ZNF346: variants seen among roughly 807,000 people sequenced by gnomAD.
ZNF346 encodes the protein double-stranded RNA-binding zinc finger protein JAZ.
A neutral mutation model predicts 33.7 loss-of-function variants in ZNF346; 23 were observed. The ratio of observed to expected loss-of-function variants is 0.68; its 90% CI spans 0.49 to 0.97. ZNF346 has a LOEUF of 0.97. ZNF346 is among the 50% of genes least tolerant of loss of function. ZNF346 has a pLI of 0.00. For missense variants in ZNF346, 340 were observed against 371.1 expected, an observed-to-expected ratio of 0.92 and a Z score of 0.69; for synonymous variants, 134 against 142.4, an observed-to-expected ratio of 0.94 and a Z score of 0.42.
intron 1 of ZNF346, among the ~76,000 whole-genome samples, chr5:177,035,019 T>C (rs937939260): frequency 1.4e-5 from 2 of 144,672 alleles, no homozygotes; most frequent in East Asian, 3.9e-4. Context: ...TTTCTTTTCT[T>C]TTCTTTTTTT....
At chr5:177,037,106 G>A (rs549910494) in intron 1 of ZNF346, among the ~76,000 whole-genome samples, 4 of 151,930 alleles carry the variant, frequency 2.6e-5, no homozygotes, top group South Asian at 4.1e-4. Flanking sequence ...AGTTTTGTCC[G>A]GTTTTGTCAG....
chr5:177,035,750 C>T (rs1041905822), intron 1 of ZNF346, among the ~76,000 whole-genome samples: 29 of 79,018 alleles, frequency 3.7e-4, no homozygotes, highest in African/African-American at 1.6e-3. Context: ...ATTCTCCTGC[C>T]TCAGCCTCCC....
At chr5:177,041,702 C>G (rs1476153538) in intron 2 of ZNF346, 76 bp from the exon 3 acceptor site, 1 of 935,100 alleles carries the variant, frequency 1.1e-6, no homozygotes, top group East Asian at 2.6e-5. Context: ...AGATGAAAAT[C>G]TCATAAGTGT....
rs965209310 is a variant in ZNF346 at position 177,077,036 on chromosome 5, C to G, written c.*3-2346C>G. Reference sequence around the variant, plus strand: ...AGCTTGGGCGACAGAGCGAGACTCTCAAGAAAAATAAATAAATAAACATAA... The same window carrying G: ...AGCTTGGGCGACAGAGCGAGACTCTGAAGAAAAATAAATAAATAAACATAA... On this transcript the variant is annotated intron_variant, in intron 8 of 8. Transcript: ENST00000503039. The surrounding 1 kb of genome is among the most constrained non-coding windows in gnomAD (Gnocchi z 5.0). 2.6e-5 allele frequency among the ~76,000 whole-genome samples: 4 copies of G among 151,904 alleles called. No homozygotes were observed. The highest frequency in any genetic ancestry group is 2.6e-4 in the Admixed American group (4 of 15,236).
At chr5:177,071,867 GC>G (rs1354377852), downstream of ZNF346, among the ~76,000 whole-genome samples, 1 of 152,060 alleles carries the variant, frequency 6.6e-6, no homozygotes, top group Non-Finnish European at 1.5e-5. Context: ...TCTGCCCTGT[GC>G]AAAGCCCTGT....
At chr5:177,070,230 TTAA>T (rs1783438773), downstream of ZNF346, among the ~76,000 whole-genome samples, 2 of 152,216 alleles carry the variant, frequency 1.3e-5, no homozygotes, top group Admixed American at 1.3e-4. Context: ...GTCAGTTTTT[TTAA>T]TATTGGCCAT....
intron 1 of ZNF346, among the ~76,000 whole-genome samples, chr5:177,030,441 A>G (rs977297640): frequency 6.6e-6 from 1 of 151,774 alleles, no homozygotes; most frequent in South Asian, 2.1e-4. Flanking sequence ...CAATATGGTG[A>G]AACCCCCATC....
At chr5:177,039,962 C>T (rs1372584542) in intron 1 of ZNF346, among the ~76,000 whole-genome samples, 1 of 151,930 alleles carries the variant, frequency 6.6e-6, no homozygotes, top group East Asian at 1.9e-4. Context: ...GGGTGGATCA[C>T]GAGGTCAGGA....
At position 177,050,821 on chromosome 5, in the gene ZNF346, C is replaced by A. The variant is rs1303542793; in HGVS notation, c.588C>A (p.Asp196Glu). 1 of 1,614,172 alleles carries A rather than the reference C, an allele frequency of 6.2e-7. No individual in the cohort carries two copies. The highest frequency in any genetic ancestry group is 1.7e-5 in the Admixed American group (1 of 60,016). ...FCSLCHATFN[D>E]PVMAQQHYVG... is the part of the protein sequence containing the mutation. ...GCCTCTGCCATGCAACTTTCAACGA[C>A]CCTGTCATGGCTCAACAACATTATG... Residue 196 changes from aspartate to glutamate, a missense_variant, in exon 5 of 7, where the codon GAC (aspartate) becomes GAA (glutamate). Physicochemically the swap from Asp to Glu is conservative, Grantham distance 45. Coordinates refer to ENST00000358149, the MANE Select transcript of ZNF346 (RefSeq NM_012279.4).
At chr5:177,055,315 C>T (rs544577960) in intron 5 of ZNF346, among the ~76,000 whole-genome samples, 34 of 152,030 alleles carry the variant, frequency 2.2e-4, no homozygotes, top group African/African-American at 8.0e-4. Flanking sequence ...ATTACAGGTG[C>T]GAACCCACCA....
At chr5:177,047,617 T>G (rs1780271263) in intron 4 of ZNF346, among the ~76,000 whole-genome samples, 1 of 152,170 alleles carries the variant, frequency 6.6e-6, no homozygotes, top group Non-Finnish European at 1.5e-5. Context: ...GCAATTCTCT[T>G]GACTCAGCCT....
chr5:177,044,681 C>A, intron 4 of ZNF346, 148 bp downstream of exon 4: 1 of 797,068 alleles, frequency 1.3e-6, no homozygotes, highest in Non-Finnish European at 2.0e-6. Context: ...CAAGTAGACC[C>A]AGCTTCACTG....
chr5:177,038,881 T>C (rs922835180), intron 1 of ZNF346, among the ~76,000 whole-genome samples: 19 of 64,168 alleles, frequency 3.0e-4, no homozygotes, highest in African/African-American at 1.4e-3. Context: ...TCTTCTTGTG[T>C]GTGTGTGTGT....
chr5:177,034,512 C>T (rs1188253298), intron 1 of ZNF346, among the ~76,000 whole-genome samples: 1 of 152,104 alleles, frequency 6.6e-6, no homozygotes, highest in Non-Finnish European at 1.5e-5. Context: ...TAGGCATGAA[C>T]CATCACACCC....
rs748120962 is a variant in ZNF346, at chr5:177,041,819, C to T, written c.321C>T (p.Ile107=). 1 of 1,613,784 alleles carries T rather than the reference C, an allele frequency of 6.2e-7. No individual in the cohort carries two copies. Among genetic ancestry groups the T allele is most frequent in the South Asian group, 1.1e-5 (1 of 91,056 alleles). The change falls in exon 3 of 7, where the codon ATC becomes ATT. Residue 107 remains isoleucine (I), a synonymous_variant. Coordinates refer to ENST00000358149, the MANE Select transcript of ZNF346 (RefSeq NM_012279.4). ...ACAAAGTGAAGAGATACCTAGCAAT[C>T]CATGGAATGGAGACATTAAAGGGGG... is the stretch of plus-strand genomic sequence containing the variant. The part of the protein sequence containing the change: ...HANKVKRYLA[I]HGMETLKGET...
downstream of ZNF346, among the ~76,000 whole-genome samples, chr5:177,072,872 C>T (rs2149718954): frequency 6.6e-6 from 1 of 152,328 alleles, no homozygotes; most frequent in East Asian, 1.9e-4. Flanking sequence ...ATGCCTGAAG[C>T]TAATATCCCC....
intron 5 of ZNF346, among the ~76,000 whole-genome samples, chr5:177,053,276 A>G (rs1781204660): frequency 7.0e-6 from 1 of 143,588 alleles, no homozygotes; most frequent in Admixed American, 7.4e-5. Flanking sequence ...AGATCGCGCC[A>G]CTGCACTCCA....
intron 6 of ZNF346, among the ~76,000 whole-genome samples, chr5:177,064,015 C>A (rs1313612758): frequency 6.6e-6 from 1 of 152,198 alleles, no homozygotes; most frequent in Non-Finnish European, 1.5e-5. Context: ...CCCTCCCAAA[C>A]CCATCTTTTA....
In ZNF346 at chr5:177,028,040, C is replaced by CTTTTTTTTTTTT. The variant is rs10682528; in HGVS notation, c.175+5148_175+5159dup. On this transcript the variant is annotated intron_variant, in intron 1 of 6. Coordinates refer to ENST00000358149, the MANE Select transcript of ZNF346 (RefSeq NM_012279.4). ...GAATATTTTGTTTCTCCTTGTGTCACTTTTTTTTTTTTTTTTTTTTTTTTT... is the reference window on the plus strand; with the variant it reads ...GAATATTTTGTTTCTCCTTGTGTCACTTTTTTTTTTTTTTTTTTTTTTTTTTTTTTTTTTTTT... 2.7e-4 allele frequency among the ~76,000 whole-genome samples: 9 copies of CTTTTTTTTTTTT among 33,540 alleles called. 3 individuals carry two copies. Among genetic ancestry groups the CTTTTTTTTTTTT allele is most frequent in the African/African-American group, 9.7e-4 (7 of 7,218 alleles). The allele number at this position is 33,540 out of a possible 152,430, so 22.0% of individuals were successfully genotyped here.
Sources: allele counts gnomAD v4.1 joint callset (sites outside exome capture counted in the v4.1 genomes callset), GRCh38; gene constraint gnomAD v4.1.1; non-coding constraint Gnocchi (gnomAD v3.1); transcripts MANE v1.5; gene names NCBI Gene and HGNC (gene_info 2026-07-23, HGNC 2026-07-21).